USP45: variants seen among roughly 807,000 people sequenced by gnomAD.
USP45 encodes the protein ubiquitin specific peptidase 45, also known as ubiquitin carboxyl-terminal hydrolase 45.
In USP45, 89 loss-of-function variants were observed where a neutral mutation model predicts 95.8. The ratio of observed to expected loss-of-function variants is 0.93; its 90% CI spans 0.78 to 1.11. The LOEUF (loss-of-function observed/expected upper bound fraction) is 1.11, where lower values mean the gene tolerates loss of function less well. USP45 is among the 50% of genes least tolerant of loss of function. The pLI is 0.00. For missense variants in USP45, 898 were observed against 942.5 expected, an observed-to-expected ratio of 0.95 and a Z score of 0.62; for synonymous variants, 281 against 316.2, an observed-to-expected ratio of 0.89 and a Z score of 1.18.
chr6:99,465,808 C>G (rs1787816356), intron 11 of USP45, among the ~76,000 whole-genome samples: 1 of 152,142 alleles, frequency 6.6e-6, no homozygotes, highest in Non-Finnish European at 1.5e-5. Context: ...AAGTCATACA[C>G]TTACAGAAAT....
intron 9 of USP45, among the ~76,000 whole-genome samples, chr6:99,469,948 T>TTA (rs1437581307): frequency 2.0e-5 from 3 of 152,014 alleles, no homozygotes; most frequent in Non-Finnish European, 4.4e-5. Context: ...AAAGTACAAG[T>TTA]TATATATATG....
intron 17 of USP45, 152 bp downstream of exon 17, chr6:99,437,094 C>CTCAATCCA: frequency 2.6e-6 from 2 of 762,106 alleles, no homozygotes; most frequent in Non-Finnish European, 4.1e-6. Flanking sequence ...GAGACTCTGT[C>CTCAATCCA]TCAATCAATC....
At chr6:99,464,072 C>T (rs1164096254) in intron 13 of USP45, among the ~76,000 whole-genome samples, 2 of 151,626 alleles carry the variant, frequency 1.3e-5, no homozygotes, top group South Asian at 2.1e-4. Context: ...TTTGGGAGGC[C>T]GAGGCGGGCA....
chr6:99,507,738 A>T (rs1305029279), intron 3 of USP45, among the ~76,000 whole-genome samples: 1 of 152,230 alleles, frequency 6.6e-6, no homozygotes, highest in East Asian at 1.9e-4. Flanking sequence ...TATTTACCTA[A>T]AACAATCATG....
intron 5 of USP45, among the ~76,000 whole-genome samples, chr6:99,503,066 C>T (rs1005516361): frequency 1.3e-5 from 2 of 152,196 alleles, no homozygotes; most frequent in African/African-American, 4.8e-5. Context: ...AGTATTTTTA[C>T]ATGCACTATT....
chr6:99,506,614 C>A (rs1273719359), intron 4 of USP45, among the ~76,000 whole-genome samples: 1 of 152,134 alleles, frequency 6.6e-6, no homozygotes, highest in Non-Finnish European at 1.5e-5. Context: ...CCACAAAAAA[C>A]TTGTTTTAGT....
chr6:99,511,838 A>AGT (rs1213260388), intron 1 of USP45, among the ~76,000 whole-genome samples: 48 of 16,626 alleles, frequency 2.9e-3, no homozygotes, highest in Non-Finnish European at 3.6e-3. Context: ...TATGTATGTG[A>AGT]GTGTGTGTAT....
At chr6:99,503,684 A>T (rs1264814228) in intron 5 of USP45, 81 bp downstream of exon 5, 1 of 973,576 alleles carries the variant, frequency 1.0e-6, no homozygotes, top group East Asian at 2.6e-5. Context: ...AGTAAAATCT[A>T]AAGTATTCTT....
chr6:99,500,300 T>C (rs2128771549), intron 5 of USP45, among the ~76,000 whole-genome samples: 1 of 152,260 alleles, frequency 6.6e-6, no homozygotes, highest in Middle Eastern at 3.4e-3. Context: ...AATTTTTGTA[T>C]TTTTAGTAGA....
At chr6:99,439,084 T>G (rs1374832712) in intron 16 of USP45, among the ~76,000 whole-genome samples, 1 of 152,232 alleles carries the variant, frequency 6.6e-6, no homozygotes, top group African/African-American at 2.4e-5. Flanking sequence ...AAGATGATTT[T>G]GTTTTGATTA....
chr6:99,506,753 C>T (rs1798607528), intron 4 of USP45, among the ~76,000 whole-genome samples: 2 of 152,186 alleles, frequency 1.3e-5, no homozygotes, highest in African/African-American at 4.8e-5. Flanking sequence ...TTTTTACAAG[C>T]TACTTATGCC....
chr6:99,508,314 G>A (rs1798987577), intron 3 of USP45, among the ~76,000 whole-genome samples: 1 of 152,126 alleles, frequency 6.6e-6, no homozygotes. Flanking sequence ...AATCTGAAAG[G>A]TAGATCCATT....
chr6:99,480,285 A>C (rs769809448), intron 8 of USP45, among the ~76,000 whole-genome samples: 1 of 152,214 alleles, frequency 6.6e-6, no homozygotes, highest in Non-Finnish European at 1.5e-5. Context: ...TCATACATGA[A>C]AAGATTCAAC....
chr6:99,456,132 CGGAAAAAAAAA>C (rs1323854452), intron 13 of USP45, among the ~76,000 whole-genome samples: 1 of 87,664 alleles, frequency 1.1e-5, no homozygotes, highest in Non-Finnish European at 2.2e-5. Flanking sequence ...GACTCTGTCT[CGGAAAAAAAAA>C]AAAAAAAAAA....
chr6:99,450,726 A>C (rs544176311), intron 13 of USP45, among the ~76,000 whole-genome samples: 2 of 152,298 alleles, frequency 1.3e-5, no homozygotes, highest in East Asian at 3.9e-4. Flanking sequence ...GCAGAGACAC[A>C]ACAAAAAAAG....
intron 1 of USP45, among the ~76,000 whole-genome samples, chr6:99,512,275 C>A (rs1464022393): frequency 1.3e-5 from 2 of 152,118 alleles, no homozygotes; most frequent in Non-Finnish European, 2.9e-5. Context: ...TCTGATGCAA[C>A]AAGTCTGGCA....
intron 5 of USP45, among the ~76,000 whole-genome samples, chr6:99,497,568 G>C (rs548810596): frequency 6.6e-6 from 1 of 152,260 alleles, no homozygotes; most frequent in East Asian, 1.9e-4. Flanking sequence ...TTATGCCTTA[G>C]AAATCTTTAC....
intron 17 of USP45, among the ~76,000 whole-genome samples, chr6:99,436,972 G>A (rs1185631337): frequency 2.0e-5 from 3 of 152,150 alleles, no homozygotes; most frequent in East Asian, 1.9e-4. Context: ...GTGGTAGCAC[G>A]TGCCTGTAAT....
chr6:99,511,395 C>T (rs1239651849), intron 1 of USP45, among the ~76,000 whole-genome samples: 2 of 151,848 alleles, frequency 1.3e-5, no homozygotes, highest in African/African-American at 2.4e-5. Context: ...CCTCGTGATC[C>T]GCCCACCTCA....
Sources: allele counts gnomAD v4.1 joint callset (sites outside exome capture counted in the v4.1 genomes callset), GRCh38; gene constraint gnomAD v4.1.1; transcripts MANE v1.5; gene names NCBI Gene and HGNC (gene_info 2026-07-23, HGNC 2026-07-21).